GPR149: variants seen among roughly 807,000 people sequenced by gnomAD.
The protein encoded by GPR149 is G protein-coupled receptor 149, also known as probable G protein-coupled receptor 149.
In GPR149, 50 loss-of-function variants were observed where a neutral mutation model predicts 50.2. The ratio of observed to expected loss-of-function variants is 1.00; its 90% confidence interval spans 0.79 to 1.26. The LOEUF is 1.26. Ranked by LOEUF, GPR149 falls within the 50% of genes most tolerant of loss-of-function variation. GPR149 has a pLI of 0.00. For synonymous variants in GPR149, 405 were observed against 358.2 expected (o/e 1.13, Z -1.48); for missense variants, 983 against 895.4 (o/e 1.10, Z -1.25).
intron 3 of GPR149, among the ~76,000 whole-genome samples, chr3:154,386,760 T>C (rs1240729129): frequency 7.9e-5 from 12 of 152,232 alleles, no homozygotes; most frequent in African/African-American, 2.7e-4. Flanking sequence ...TGCGATTGAA[T>C]TCTCATATAG....
At chr3:154,356,629 G>A (rs1714233540) in intron 3 of GPR149, among the ~76,000 whole-genome samples, 1 of 152,180 alleles carries the variant, frequency 6.6e-6, no homozygotes, top group African/African-American at 2.4e-5. Flanking sequence ...TACAAGGGAT[G>A]TGAAGGACCT....
chr3:154,390,645 G>A (rs1352574203), intron 3 of GPR149, among the ~76,000 whole-genome samples: 1 of 152,026 alleles, frequency 6.6e-6, no homozygotes, highest in Non-Finnish European at 1.5e-5. Context: ...GAGACAGAAA[G>A]CTTATTCAAA....
chr3:154,385,309 C>T (rs1576916485), intron 3 of GPR149, among the ~76,000 whole-genome samples: 1 of 152,272 alleles, frequency 6.6e-6, no homozygotes, highest in Non-Finnish European at 1.5e-5. Context: ...TTAGAGCGGG[C>T]TTTCATATTT....
At chr3:154,353,070 A>G in intron 3 of GPR149, 1 of 1,419,898 alleles carries the variant, frequency 7.0e-7, no homozygotes, top group Non-Finnish European at 1.0e-6. Flanking sequence ...TGACTGTGCA[A>G]TATCCCCATG....
At chr3:154,412,962 C>A (rs566304960) in intron 3 of GPR149, among the ~76,000 whole-genome samples, 16 of 151,902 alleles carry the variant, frequency 1.1e-4, no homozygotes, top group Non-Finnish European at 1.9e-4. Flanking sequence ...GGCACATAGA[C>A]GAATGGAACA....
chr3:154,405,165 C>T (rs181660105), intron 3 of GPR149, among the ~76,000 whole-genome samples: 14 of 151,996 alleles, frequency 9.2e-5, no homozygotes, highest in East Asian at 3.9e-4. Flanking sequence ...TAAATTTAAA[C>T]GATAAAAGAA....
intron 3 of GPR149, among the ~76,000 whole-genome samples, chr3:154,344,160 C>T (rs1053676302): frequency 6.6e-6 from 1 of 152,174 alleles, no homozygotes; most frequent in East Asian, 1.9e-4. Context: ...AGATTATCCT[C>T]ACGAATTTTA....
chr3:154,359,301 T>C (rs1258700311), intron 3 of GPR149, among the ~76,000 whole-genome samples: 1 of 152,204 alleles, frequency 6.6e-6, no homozygotes, highest in African/African-American at 2.4e-5. Context: ...CATATGTCTC[T>C]TACTTGTATC....
intron 3 of GPR149, among the ~76,000 whole-genome samples, chr3:154,389,938 A>G (rs1715130379): frequency 6.6e-6 from 1 of 152,196 alleles, no homozygotes; most frequent in African/African-American, 2.4e-5. Flanking sequence ...GAATTGGACC[A>G]TACTTCCAAA....
At chr3:154,390,990 G>A (rs887209280) in intron 3 of GPR149, among the ~76,000 whole-genome samples, 2 of 152,006 alleles carry the variant, frequency 1.3e-5, no homozygotes, top group African/African-American at 4.8e-5. Flanking sequence ...ATAAAGGAGA[G>A]ATAAAGACTT....
chr3:154,346,257 C>A (rs1713922088), intron 3 of GPR149, among the ~76,000 whole-genome samples: 1 of 152,094 alleles, frequency 6.6e-6, no homozygotes, highest in South Asian at 2.1e-4. Flanking sequence ...AAAAATAGCA[C>A]TAAGAACAAG....
intron 3 of GPR149, among the ~76,000 whole-genome samples, chr3:154,378,434 T>C (rs773372197): frequency 2.0e-4 from 30 of 152,144 alleles, no homozygotes; most frequent in Non-Finnish European, 4.0e-4. Flanking sequence ...TTGAGGAACA[T>C]TTGGATTACT....
rs1417565867 is a variant in GPR149 at position 154,428,636 on chromosome 3, A to C, written c.980T>G (p.Met327Arg). The C allele has an allele frequency of 6.2e-7, 1 of 1,611,378 alleles. No individual in the cohort carries two copies. Among genetic ancestry groups the C allele is most frequent in the African/African-American group, 1.3e-5 (1 of 74,702 alleles). ...CTTTGTGAGCAACTGCACTTTTACC[A>C]TCATGGGCAGCCAAAGGACGACTTT... is the stretch of plus-strand genomic sequence containing the variant. ...LTKVVLWLPMMMHMVVQNVVG... is the reference protein window; with the variant it reads ...LTKVVLWLPMRMHMVVQNVVG... Residue 327 changes from methionine to arginine, a missense_variant and splice_region_variant, in exon 1 of 4, where the codon ATG (methionine) becomes AGG (arginine). Met to Arg is a moderately conservative substitution (Grantham distance 91). Transcript: ENST00000389740.
At chr3:154,373,841 G>T (rs749411108) in intron 3 of GPR149, among the ~76,000 whole-genome samples, 3 of 152,310 alleles carry the variant, frequency 2.0e-5, no homozygotes, top group South Asian at 2.1e-4. Context: ...ACCATGAATA[G>T]AGTAAATGAT....
At position 154,337,937 on chromosome 3, in the gene GPR149, C is replaced by G. The variant is rs200247671; in HGVS notation, c.1958G>C (p.Arg653Pro). 8.7e-6 allele frequency: 14 copies of G among 1,613,182 alleles called. No individual in the cohort carries two copies. Among genetic ancestry groups the G allele is most frequent in the Non-Finnish European group, 1.2e-5 (14 of 1,179,454 alleles). Residue 653 changes from arginine to proline, a missense_variant, in exon 4 of 4, where the codon CGT becomes CCT. By Grantham distance (103) the Arg-to-Pro change is moderately radical. Coordinates refer to ENST00000389740, the MANE Select transcript of GPR149 (RefSeq NM_001038705.3). ...SSTQVRSPSLRYSRKENRFVS... is the reference protein window; with the variant it reads ...SSTQVRSPSLPYSRKENRFVS... ...AAATCTGTTTTCTTTCCTGGAGTAA[C>G]GTAGGGATGGAGATCTGACTTGTGT...
intron 3 of GPR149, among the ~76,000 whole-genome samples, chr3:154,385,859 G>A (rs1029774905): frequency 2.0e-5 from 3 of 151,944 alleles, no homozygotes; most frequent in South Asian, 2.1e-4. Context: ...CTGCCACCAC[G>A]CCCAGCTATT....
chr3:154,349,406 A>C (rs1714013816), intron 3 of GPR149, among the ~76,000 whole-genome samples: 1 of 152,220 alleles, frequency 6.6e-6, no homozygotes, highest in South Asian at 2.1e-4. Context: ...GGAATGAAAC[A>C]GGATATCACT....
intron 3 of GPR149, among the ~76,000 whole-genome samples, chr3:154,410,426 A>C (rs939177276): frequency 6.6e-6 from 1 of 152,212 alleles, no homozygotes; most frequent in African/African-American, 2.4e-5. Flanking sequence ...TCCACTTAAA[A>C]GATACAGAAT....
intron 3 of GPR149, among the ~76,000 whole-genome samples, chr3:154,375,783 C>T (rs1354045149): frequency 6.6e-6 from 1 of 152,124 alleles, no homozygotes; most frequent in East Asian, 1.9e-4. Context: ...AGTCAGCAGA[C>T]CCAGCAAACA....
Sources: allele counts gnomAD v4.1 joint callset (sites outside exome capture counted in the v4.1 genomes callset), GRCh38; gene constraint gnomAD v4.1.1; transcripts MANE v1.5; gene names NCBI Gene and HGNC (gene_info 2026-07-23, HGNC 2026-07-21).